The following VGLL1 variants were observed in gnomAD, a reference collection of about 807,000 sequenced individuals.
The protein encoded by VGLL1 is transcription cofactor vestigial-like protein 1.
A neutral mutation model predicts 12.0 loss-of-function variants in VGLL1; 4 were observed. The ratio of observed to expected loss-of-function variants is 0.33; its 90% CI spans 0.16 to 0.76. The LOEUF (loss-of-function observed/expected upper bound fraction) is 0.76, where lower values mean the gene tolerates loss of function less well. VGLL1 is among the 30% of genes least tolerant of loss of function. VGLL1 has a pLI of 0.60. For missense variants in VGLL1, 204 were observed against 208.7 expected (o/e 0.98, Z 0.14); for synonymous variants, 87 against 81.2 (o/e 1.07, Z -0.39).
chrX:136,534,241 C>T (rs1229010960), intron 1 of VGLL1, among the ~76,000 whole-genome samples: 1 of 112,375 alleles, frequency 8.9e-6, no homozygotes, highest in African/African-American at 3.2e-5. Context: ...CATGTAGTAA[C>T]CATCTCCCTC....
intron 2 of VGLL1, among the ~76,000 whole-genome samples, chrX:136,539,809 T>A (rs2075850874): frequency 1.8e-5 from 2 of 111,806 alleles, no homozygotes; most frequent in Admixed American, 1.9e-4. Flanking sequence ...TTAACATGCC[T>A]AATAGGAAAC....
chrX:136,540,615 G>A (rs1055176157), intron 2 of VGLL1, among the ~76,000 whole-genome samples: 2 of 111,612 alleles, frequency 1.8e-5, no homozygotes, highest in African/African-American at 6.5e-5. Context: ...ATTATATGTT[G>A]TATTTCTTTC....
At chrX:136,550,212 T>A (rs1441081699) in intron 3 of VGLL1, among the ~76,000 whole-genome samples, 1 of 112,769 alleles carries the variant, frequency 8.9e-6, no homozygotes, top group Non-Finnish European at 1.9e-5. Flanking sequence ...AGTCCTTTCC[T>A]ACTGGATTCA....
intron 4 of VGLL1, among the ~76,000 whole-genome samples, chrX:136,552,020 T>C (rs2075887709): frequency 9.0e-6 from 1 of 111,495 alleles, no homozygotes; most frequent in Non-Finnish European, 1.9e-5. Context: ...GGGCAATCTA[T>C]AGACCCCACT....
intron 2 of VGLL1, among the ~76,000 whole-genome samples, chrX:136,548,132 C>T (rs959247560): frequency 1.8e-5 from 2 of 111,681 alleles, no homozygotes; most frequent in African/African-American, 6.5e-5. Flanking sequence ...TCCCGAGTAG[C>T]TGGGACTACA....
intron 4 of VGLL1, among the ~76,000 whole-genome samples, chrX:136,554,318 G>A (rs1227837655): frequency 9.1e-6 from 1 of 109,951 alleles, no homozygotes; most frequent in Non-Finnish European, 1.9e-5. Flanking sequence ...AATTAGGGCA[G>A]AGATGGAGGG....
intron 1 of VGLL1, among the ~76,000 whole-genome samples, chrX:136,532,583 T>C (rs2075825925): frequency 5.0e-5 from 1 of 20,184 alleles, no homozygotes; most frequent in Non-Finnish European, 9.8e-5. Context: ...ATTTCTTTCT[T>C]TCTTTCTTTC....
chrX:136,537,148 T>A (rs1337302582), intron 2 of VGLL1, among the ~76,000 whole-genome samples: 2 of 111,681 alleles, frequency 1.8e-5, no homozygotes, highest in African/African-American at 6.5e-5. Flanking sequence ...GGCAAGAGGA[T>A]CACTTGAGGT....
intron 1 of VGLL1, among the ~76,000 whole-genome samples, chrX:136,532,537 T>A (rs1267585301): frequency 9.0e-6 from 1 of 111,031 alleles, no homozygotes; most frequent in Non-Finnish European, 1.9e-5. Context: ...GGTAGAGTTC[T>A]GGCCAAAATG....
intron 1 of VGLL1, among the ~76,000 whole-genome samples, chrX:136,534,243 A>T (rs928832013): frequency 2.7e-5 from 3 of 112,459 alleles, no homozygotes; most frequent in Non-Finnish European, 5.6e-5. Flanking sequence ...TGTAGTAACC[A>T]TCTCCCTCAT....
At chrX:136,534,388 T>C (rs1399153391) in intron 1 of VGLL1, among the ~76,000 whole-genome samples, 1 of 112,740 alleles carries the variant, frequency 8.9e-6, no homozygotes, top group African/African-American at 3.2e-5. Context: ...GTTTCATGTA[T>C]GTGAAATTGT....
intron 2 of VGLL1, among the ~76,000 whole-genome samples, chrX:136,547,684 G>A (rs2075873138): frequency 9.0e-6 from 1 of 111,462 alleles, no homozygotes; most frequent in Non-Finnish European, 1.9e-5. Flanking sequence ...AAGTTCTGTC[G>A]AGTCCCCCTA....
At position 136,552,096 on chromosome X, in the gene VGLL1, CA is replaced by C. The variant is rs200254771; in HGVS notation, c.688+1276del. On this transcript the variant is annotated intron_variant, in intron 4 of 4. Coordinates refer to ENST00000370634, the MANE Select transcript of VGLL1 (RefSeq NM_016267.4). ...ACCACTGTATCCCTAGCACCTTGCA[CA>C]GTGGTATACAAATTTGTTGAATAAA... Among the ~76,000 whole-genome samples the C allele has an allele frequency of 3.6e-5, 4 of 111,491 alleles. No individual in the cohort carries two copies. The East Asian group carries it at 1.1e-3, about 31-fold the overall frequency.
intron 2 of VGLL1, among the ~76,000 whole-genome samples, chrX:136,548,266 G>T (rs770650992): frequency 8.9e-6 from 1 of 112,063 alleles, no homozygotes; most frequent in Admixed American, 9.4e-5. Context: ...CTCCCAAGAA[G>T]CTGGGATTAC....
chrX:136,552,642 G>T (rs1185792948), intron 4 of VGLL1, among the ~76,000 whole-genome samples: 1 of 111,944 alleles, frequency 8.9e-6, no homozygotes, highest in African/African-American at 3.3e-5. Flanking sequence ...TTACTCAACC[G>T]ATATTCAGTA....
rs1467388418 is a variant in VGLL1, at chrX:136,544,696, A to G, written c.215-3893A>G. On this transcript the variant is annotated intron_variant, in intron 2 of 4. Coordinates refer to ENST00000370634, the MANE Select transcript of VGLL1 (RefSeq NM_016267.4). The stretch of plus-strand genomic sequence containing the variant: ...ACTCAATAAACAAAAACTACTATAT[A>G]TTTACAAATTGTTCCTGCCCACCTC... Among the ~76,000 whole-genome samples, 3 of 112,211 alleles carry G rather than the reference A, an allele frequency of 2.7e-5. No individual in the cohort carries two copies. The Admixed American group carries it at 2.8e-4, about 11-fold the overall frequency.
intron 4 of VGLL1, among the ~76,000 whole-genome samples, chrX:136,553,036 A>G (rs2075890826): frequency 9.0e-6 from 1 of 111,728 alleles, no homozygotes; most frequent in Admixed American, 9.5e-5. Context: ...TGGCTATGCC[A>G]ACAGGCCCAA....
intron 1 of VGLL1, among the ~76,000 whole-genome samples, chrX:136,535,061 C>G (rs185116091): frequency 4.6e-4 from 51 of 112,017 alleles, no homozygotes; most frequent in African/African-American, 1.6e-3. Flanking sequence ...CAGGCTACTT[C>G]CCTAGTAAAG....
chrX:136,541,656 C>T (rs1447649912), intron 2 of VGLL1, among the ~76,000 whole-genome samples: 2 of 111,905 alleles, frequency 1.8e-5, no homozygotes, highest in East Asian at 2.8e-4. Context: ...AGCACCAGGC[C>T]GTCCAGCCCA....
Sources: gnomAD v4.1 joint callset for allele counts (sites outside exome capture counted in the v4.1 genomes callset) on GRCh38, gnomAD v4.1.1 for gene constraint, MANE v1.5 for transcripts, NCBI Gene and HGNC (gene_info 2026-07-23, HGNC 2026-07-21) for gene names.